The following BCL7B variants were observed in gnomAD, a reference collection of about 807,000 sequenced individuals.
BCL7B encodes BAF chromatin remodeling complex subunit BCL7B, also known as B-cell CLL/lymphoma 7 protein family member B.
A neutral mutation model predicts 26.5 loss-of-function variants in BCL7B; 11 were observed. The observed-to-expected ratio is 0.42, with a 90% CI of 0.26 to 0.69. BCL7B has a LOEUF of 0.69. Among genes scored for constraint, BCL7B ranks in the 30% least tolerant of loss-of-function variants. BCL7B has a pLI of 0.28. For synonymous variants in BCL7B, 111 were observed against 107.9 expected (o/e 1.03, Z -0.18); for missense variants, 215 against 264.4 (o/e 0.81, Z 1.30).
chr7:73,538,032 C>T lies in BCL7B; in HGVS notation c.437-19G>A, dbSNP rs782564594. The T allele has an allele frequency of 3.1e-5, 49 of 1,566,360 alleles. No homozygotes were observed. Among genetic ancestry groups the T allele is most frequent in the Admixed American group, 3.7e-5 (2 of 54,784 alleles). The stretch of plus-strand genomic sequence containing the variant: ...GAGGGCTCTGAAAAGGCAGTAGGGT[C>T]GGCCTGAGGGCAGGGCTCCCCTGAG... On this transcript the variant is annotated intron_variant, in intron 4 of 5. Coordinates refer to ENST00000223368, the MANE Select transcript of BCL7B (RefSeq NM_001707.4).
At chr7:73,553,970 CTTTTTTT>C (rs34326622) in intron 1 of BCL7B, among the ~76,000 whole-genome samples, 3 of 127,858 alleles carry the variant, frequency 2.3e-5, no homozygotes, top group South Asian at 2.6e-4. Context: ...ACAAAGGAGA[CTTTTTTT>C]TTTTTTTTTT....
chr7:73,557,160 G>A (rs1792391634), intron 1 of BCL7B: 3 of 1,014,240 alleles, frequency 3.0e-6, no homozygotes, highest in Non-Finnish European at 3.5e-6. Flanking sequence ...CCCAGGAAGA[G>A]GGGAGGGCGG....
At chr7:73,554,994 C>T (rs1792309585) in intron 1 of BCL7B, among the ~76,000 whole-genome samples, 1 of 152,070 alleles carries the variant, frequency 6.6e-6, no homozygotes, top group African/African-American at 2.4e-5. Flanking sequence ...ATCCACAGTC[C>T]CTGCCCTCAC....
At chr7:73,540,958 C>G (rs759732441) in intron 3 of BCL7B, among the ~76,000 whole-genome samples, 1 of 151,550 alleles carries the variant, frequency 6.6e-6, no homozygotes, top group Non-Finnish European at 1.5e-5. Context: ...ACCAGCCTGG[C>G]CAACATGGTG....
intron 1 of BCL7B, 47 bp from the exon 2 acceptor site, chr7:73,552,289 T>C (rs782259450): frequency 8.6e-5 from 127 of 1,470,462 alleles, no homozygotes; most frequent in Middle Eastern, 1.7e-4. Context: ...TGCAATGTGT[T>C]TTCTGTTCAT....
At chr7:73,557,461 C>T in intron 1 of BCL7B, 26 bp downstream of exon 1, 1 of 1,347,834 alleles carries the variant, frequency 7.4e-7, no homozygotes, top group Non-Finnish European at 9.6e-7. Context: ...CGACCCCCGC[C>T]AGCCCCCTAA....
chr7:73,556,766 A>T (rs1045234130), intron 1 of BCL7B, among the ~76,000 whole-genome samples: 2 of 152,228 alleles, frequency 1.3e-5, no homozygotes, highest in African/African-American at 4.8e-5. Flanking sequence ...TGTGCACTTT[A>T]AAAAGACCAC....
At position 73,555,590 on chromosome 7, in the gene BCL7B, C is replaced by T. The variant is rs868923791; in HGVS notation, c.92+1897G>A. On this transcript the variant is annotated intron_variant, in intron 1 of 5. Transcript: ENST00000223368. ...AGGAGAGAGGAAGAAGAATGCCAGG[C>T]GGCAGGAAGAGCAGAGTGACTTCAT... Among the ~76,000 whole-genome samples, 7 of 152,006 alleles carry T rather than the reference C, an allele frequency of 4.6e-5. No individual in the cohort carries two copies. The South Asian group carries it at 8.3e-4, about 18-fold the overall frequency.
chr7:73,540,591 G>A (rs1554582726), intron 3 of BCL7B: 1 of 155,392 alleles, frequency 6.4e-6, no homozygotes, highest in East Asian at 1.9e-4. Flanking sequence ...AGCACTTTGG[G>A]AGGCCGAGGT....
At chr7:73,540,136 A>G in intron 3 of BCL7B, 84 bp from the exon 4 acceptor site, 1 of 1,453,672 alleles carries the variant, frequency 6.9e-7, no homozygotes, top group Non-Finnish European at 9.3e-7. Flanking sequence ...AGGGCCTGGC[A>G]TCACTTTAGG....
intron 2 of BCL7B, among the ~76,000 whole-genome samples, chr7:73,546,017 A>C (rs1791940889): frequency 6.6e-6 from 1 of 151,832 alleles, no homozygotes; most frequent in African/African-American, 2.4e-5. Flanking sequence ...CTGTAGTCCC[A>C]GCTACTTGGG....
At chr7:73,551,911 T>G (rs1792187377) in intron 2 of BCL7B, among the ~76,000 whole-genome samples, 1 of 151,528 alleles carries the variant, frequency 6.6e-6, no homozygotes, top group Admixed American at 6.6e-5. Context: ...CTGACCAACA[T>G]GGTGAAACCC....
In BCL7B at chr7:73,539,874, C is replaced by G; in HGVS notation, c.436+8G>C. The G allele has an allele frequency of 1.2e-6, 2 of 1,611,190 alleles. No homozygotes were observed. The highest frequency in any genetic ancestry group is 8.5e-7 in the Non-Finnish European group (1 of 1,178,800). ...TAGGAAACTCATCCTCGGCCAACCA[C>G]GACTCACCCTCCAGGATCTCCTGGC... On this transcript the variant is annotated splice_region_variant and intron_variant, in intron 4 of 5. Transcript: ENST00000223368.
At chr7:73,540,910 GC>G (rs1197153966) in intron 3 of BCL7B, among the ~76,000 whole-genome samples, 3 of 150,666 alleles carry the variant, frequency 2.0e-5, no homozygotes, top group Non-Finnish European at 1.5e-5. Flanking sequence ...ACTTTGGGAG[GC>G]CAAGGTGGGC....
At chr7:73,540,829 CAAAAAAAAAAAAA>C (rs56111929) in intron 3 of BCL7B, among the ~76,000 whole-genome samples, 2 of 50,942 alleles carry the variant, frequency 3.9e-5, no homozygotes, top group Non-Finnish European at 6.5e-5. Flanking sequence ...GACTCTGTCT[CAAAAAAAAAAAAA>C]AAAAAAAAAA....
At chr7:73,539,479 T>C (rs1791669533) in intron 4 of BCL7B, among the ~76,000 whole-genome samples, 1 of 152,044 alleles carries the variant, frequency 6.6e-6, no homozygotes, top group Non-Finnish European at 1.5e-5. Flanking sequence ...CTTGAACTCC[T>C]GGCCTCAAGT....
chr7:73,551,499 G>A (rs1330690475), intron 2 of BCL7B, among the ~76,000 whole-genome samples: 1 of 151,856 alleles, frequency 6.6e-6, no homozygotes, highest in Non-Finnish European at 1.5e-5. Flanking sequence ...GACAGGGGTT[G>A]CACTATGTTG....
At chr7:73,551,921 C>A (rs1554584193) in intron 2 of BCL7B, among the ~76,000 whole-genome samples, 3 of 151,692 alleles carry the variant, frequency 2.0e-5, no homozygotes, top group Admixed American at 6.6e-5. Flanking sequence ...TGGTGAAACC[C>A]CGTCTCTACT....
chr7:73,545,050 C>G (rs568381619), intron 2 of BCL7B, among the ~76,000 whole-genome samples: 39 of 149,804 alleles, frequency 2.6e-4, no homozygotes, highest in Admixed American at 1.9e-3. Context: ...TAGACCCTAA[C>G]TCAAAAAAAA....
Sources: gnomAD v4.1 joint callset for allele counts (sites outside exome capture counted in the v4.1 genomes callset) on GRCh38, gnomAD v4.1.1 for gene constraint, MANE v1.5 for transcripts, NCBI Gene and HGNC (gene_info 2026-07-23, HGNC 2026-07-21) for gene names.